DDX60L: variants seen among roughly 807,000 people sequenced by gnomAD.
DDX60L encodes probable ATP-dependent RNA helicase DDX60-like.
Under a neutral mutation model 211.6 loss-of-function variants are expected in DDX60L, and 191 were observed. That is an observed-to-expected ratio of 0.90 (90% CI 0.80 to 1.02). The LOEUF (loss-of-function observed/expected upper bound fraction) is 1.02. DDX60L is among the 50% of genes least tolerant of loss of function. The pLI is 0.00. For missense variants in DDX60L, 2,007 were observed against 1,984.1 expected, an observed-to-expected ratio of 1.01 and a Z score of -0.22; for synonymous variants, 706 against 694.1, an observed-to-expected ratio of 1.02 and a Z score of -0.27.
chr4:168,429,836 C>G (rs1752064643), intron 13 of DDX60L, among the ~76,000 whole-genome samples: 1 of 152,188 alleles, frequency 6.6e-6, no homozygotes, highest in Non-Finnish European at 1.5e-5. Context: ...TGTAGCACCT[C>G]CCCAACACTT....
At chr4:168,373,575 T>C in intron 35 of DDX60L, 91 bp downstream of exon 35, 1 of 1,282,568 alleles carries the variant, frequency 7.8e-7, no homozygotes, top group Non-Finnish European at 1.1e-6. Context: ...TTCAGTGTTT[T>C]GGGTTTGAGG....
At chr4:168,359,889 GACCTTTAA>G (rs1267372260) in intron 37 of DDX60L, among the ~76,000 whole-genome samples, 1 of 151,932 alleles carries the variant, frequency 6.6e-6, no homozygotes, top group Non-Finnish European at 1.5e-5. Context: ...AATACATCAG[GACCTTTAA>G]TATTTCTGCA....
intron 13 of DDX60L, 26 bp downstream of exon 13, chr4:168,430,452 A>C (rs952516415): frequency 5.8e-6 from 9 of 1,545,108 alleles, no homozygotes; most frequent in Non-Finnish European, 7.8e-6. Flanking sequence ...CAAAGAAAAA[A>C]ATTAGGTAAA....
intron 14 of DDX60L, among the ~76,000 whole-genome samples, chr4:168,424,451 C>A (rs1169773708): frequency 1.3e-5 from 2 of 152,128 alleles, no homozygotes; most frequent in African/African-American, 2.4e-5. Flanking sequence ...TCTTTCTTAA[C>A]AAATACTACT....
At position 168,405,994 on chromosome 4, in the gene DDX60L, T is replaced by C. The variant is rs1351059054; in HGVS notation, c.3169A>G (p.Lys1057Glu). The change falls in exon 24 of 38, where the codon AAG becomes GAG. Residue 1057 changes from lysine (K) to glutamate (E), a missense_variant. Lys to Glu is a moderately conservative substitution (Grantham distance 56). Coordinates refer to ENST00000682922, the MANE Select transcript of DDX60L (RefSeq NM_001012967.3). ...TTAATCCAATTTGTCAATTCTGCCT[T>C]TAAGTTTTCTTCATATTTTCTAGCA... is the stretch of plus-strand genomic sequence containing the variant. The part of the protein sequence containing the change: ...LDARKYEENL[K>E]AELTNWIKNG... 3.1e-6 allele frequency: 5 copies of C among 1,598,902 alleles called. No homozygotes were observed. In the African/African-American group the frequency reaches 6.7e-5, roughly 21 times the overall value.
At position 168,462,022 on chromosome 4, in the gene DDX60L, A is replaced by C; in HGVS notation, c.283T>G (p.Phe95Val). ...AATGAAAGAAGTTCAGGAAAATCAA[A>C]ATATGCATATTCAGCATCCTGTGGT... is the stretch of plus-strand genomic sequence containing the variant. The part of the protein sequence containing the change: ...VFFKDAEYAY[F>V]DFPELLSLRT... Residue 95 changes from phenylalanine to valine, a missense_variant, in exon 5 of 38, where the codon TTT (phenylalanine) becomes GTT (valine). Phe to Val is a conservative substitution (Grantham distance 50, BLOSUM62 -1). Transcript: ENST00000682922. 1 of 1,606,522 alleles carries C rather than the reference A, an allele frequency of 6.2e-7. No homozygotes were observed. The highest frequency in any genetic ancestry group is 8.5e-7 in the Non-Finnish European group (1 of 1,175,000).
At chr4:168,428,772 C>T (rs2149923931) in intron 13 of DDX60L, among the ~76,000 whole-genome samples, 1 of 152,312 alleles carries the variant, frequency 6.6e-6, no homozygotes, top group East Asian at 1.9e-4. Context: ...GTAGTACCTT[C>T]CCAAGCAGAA....
intron 29 of DDX60L, chr4:168,390,353 G>GT: frequency 3.4e-6 from 4 of 1,172,932 alleles, no homozygotes; most frequent in African/African-American, 3.2e-5. Context: ...GGGACTTCCT[G>GT]TTTTTCATAA....
chr4:168,468,596 C>T (rs1339899433), intron 4 of DDX60L, among the ~76,000 whole-genome samples: 1 of 151,832 alleles, frequency 6.6e-6, no homozygotes, highest in Non-Finnish European at 1.5e-5. Context: ...GTAAAGATTC[C>T]CACTCACTCT....
chr4:168,379,683 C>T (rs369050206), intron 31 of DDX60L, 43 bp downstream of exon 31: 89 of 1,469,414 alleles, frequency 6.1e-5, no homozygotes, highest in Non-Finnish European at 7.5e-5. Flanking sequence ...GAAGTTTACA[C>T]GGTACTAGTT....
chr4:168,404,116 T>TA lies in DDX60L; in HGVS notation c.3214-11dup. 1 of 1,286,282 alleles carries TA rather than the reference T, an allele frequency of 7.8e-7. No individual in the cohort carries two copies. The highest frequency in any genetic ancestry group is 1.0e-6 in the Non-Finnish European group (1 of 997,600). The allele number at this position is 1,286,282 out of a possible 1,614,324, so 79.7% of individuals were successfully genotyped here. On this transcript the variant is annotated splice_polypyrimidine_tract_variant and intron_variant, in intron 24 of 37. Coordinates refer to ENST00000682922, the MANE Select transcript of DDX60L (RefSeq NM_001012967.3). ...TCAGTACTCTTTTGACCTACAACAG[T>TA]AAGTAAAAATTATTTAAAAAAAAAA...
intron 3 of DDX60L, 129 bp downstream of exon 3, chr4:168,472,326 C>T: frequency 1.4e-6 from 1 of 692,090 alleles, no homozygotes; most frequent in Middle Eastern, 2.5e-4. Context: ...GAGTGCGTTC[C>T]CATCATCTCC....
At position 168,419,309 on chromosome 4, in the gene DDX60L, A is replaced by G. The variant is rs1334221894; in HGVS notation, c.2603T>C (p.Phe868Ser). The stretch of plus-strand genomic sequence containing the variant: ...AACTAACACCAAACCTACCTCATCA[A>G]ATATAACATATCTGATCCTTTCCAC... ...KWVERIRYVI[F>S]DEVHYLGREV... Residue 868 changes from phenylalanine (F) to serine (S), a missense_variant, in exon 19 of 38, where the codon TTT (phenylalanine) becomes TCT (serine). Physicochemically the swap from Phe to Ser is radical, Grantham distance 155 (BLOSUM62 -2). Transcript: ENST00000682922. 5 of 1,590,994 alleles carry G rather than the reference A, an allele frequency of 3.1e-6. No homozygotes were observed. The highest frequency in any genetic ancestry group is 1.7e-4 in the Middle Eastern group (1 of 5,900).
At chr4:168,449,811 A>T (rs961521568) in intron 8 of DDX60L, among the ~76,000 whole-genome samples, 1 of 93,830 alleles carries the variant, frequency 1.1e-5, no homozygotes, top group African/African-American at 3.5e-5. Context: ...AAAATAAAAA[A>T]AAAAAAAAAA....
At chr4:168,433,223 ACTAATGTTTACCAAGTTAGAG>A in intron 10 of DDX60L, 108 bp from the exon 11 acceptor site, 1 of 732,788 alleles carries the variant, frequency 1.4e-6, no homozygotes. Context: ...CATAAATTTT[ACTAATGTTTACCAAGTTAGAG>A]CTTCCAAATG....
intron 10 of DDX60L, among the ~76,000 whole-genome samples, chr4:168,439,323 A>G (rs1753497832): frequency 6.6e-6 from 1 of 152,014 alleles, no homozygotes. Context: ...TATCCTAGAT[A>G]ATATAGAAGA....
chr4:168,462,138 C>T (rs1757399814), intron 4 of DDX60L, 98 bp from the exon 5 acceptor site: 1 of 863,102 alleles, frequency 1.2e-6, no homozygotes, highest in Non-Finnish European at 1.8e-6. Flanking sequence ...CAGGACTGAA[C>T]TCATGTGATC....
intron 4 of DDX60L, among the ~76,000 whole-genome samples, chr4:168,467,321 T>C (rs569304727): frequency 1.3e-4 from 19 of 151,572 alleles, no homozygotes; most frequent in Admixed American, 1.2e-3. Context: ...AGGTGGGAGG[T>C]TCACTTGAGC....
chr4:168,385,627 C>T (rs182229430), intron 29 of DDX60L, among the ~76,000 whole-genome samples: 1 of 152,156 alleles, frequency 6.6e-6, no homozygotes, highest in Non-Finnish European at 1.5e-5. Flanking sequence ...GAATCCGATG[C>T]TATCTTCAGG....
Sources: allele counts gnomAD v4.1 joint callset (sites outside exome capture counted in the v4.1 genomes callset), GRCh38; gene constraint gnomAD v4.1.1; transcripts MANE v1.5; gene names NCBI Gene and HGNC (gene_info 2026-07-23, HGNC 2026-07-21).